NPAS3: variants seen among roughly 807,000 people sequenced by gnomAD.
The protein encoded by NPAS3 is neuronal PAS domain protein 3, also known as neuronal PAS domain-containing protein 3.
Under a neutral mutation model 73.1 loss-of-function variants are expected in NPAS3, and 14 were observed. The observed-to-expected ratio is 0.19, with a 90% CI of 0.13 to 0.30. The LOEUF is 0.30. Ranked by LOEUF, NPAS3 falls within the 10% of genes least tolerant of loss-of-function variation. The pLI, the probability that NPAS3 is intolerant of heterozygous loss-of-function variation, is 1.00. For synonymous variants in NPAS3, 620 were observed against 541.5 expected, an observed-to-expected ratio of 1.14 and a Z score of -2.01; for missense variants, 1,096 against 1,250.0, an observed-to-expected ratio of 0.88 and a Z score of 1.86.
intron 1 of NPAS3, among the ~76,000 whole-genome samples, chr14:33,033,884 G>A (rs1169626062): frequency 1.3e-5 from 2 of 152,206 alleles, no homozygotes; most frequent in African/African-American, 4.8e-5. Flanking sequence ...TTATCCACTG[G>A]CCTTTAGCCT....
chr14:33,425,385 T>G (rs747310054), intron 4 of NPAS3, among the ~76,000 whole-genome samples: 12 of 152,026 alleles, frequency 7.9e-5, no homozygotes, highest in Non-Finnish European at 1.5e-5. Flanking sequence ...GTTACTTTTA[T>G]GTGATTGCAA....
At chr14:33,239,966 A>G (rs2048163700) in intron 3 of NPAS3, among the ~76,000 whole-genome samples, 1 of 151,862 alleles carries the variant, frequency 6.6e-6, no homozygotes, top group African/African-American at 2.4e-5. Flanking sequence ...AAATGTGGCT[A>G]AGGGCCTACT....
At chr14:33,777,852 G>A (rs1289351088) in intron 8 of NPAS3, among the ~76,000 whole-genome samples, 1 of 152,180 alleles carries the variant, frequency 6.6e-6, no homozygotes, top group Non-Finnish European at 1.5e-5. Flanking sequence ...AAGTTTTTGT[G>A]TGGAATCCAC....
At chr14:33,372,111 T>A in intron 4 of NPAS3, among the ~76,000 whole-genome samples, 1 of 152,126 alleles carries the variant, frequency 6.6e-6, no homozygotes, top group East Asian at 1.9e-4. Context: ...ACTAATTGAA[T>A]TTGGAAACTA....
chr14:33,703,584 A>C (rs972347020), intron 6 of NPAS3, among the ~76,000 whole-genome samples: 2 of 141,198 alleles, frequency 1.4e-5, no homozygotes, highest in African/African-American at 5.1e-5. Context: ...TAGGTTAAGA[A>C]AATTCTGGTT....
At chr14:33,125,597 TAAG>T (rs772200430) in intron 2 of NPAS3, among the ~76,000 whole-genome samples, 1 of 152,112 alleles carries the variant, frequency 6.6e-6, no homozygotes, top group Non-Finnish European at 1.5e-5. Context: ...GAAATCCTTT[TAAG>T]AAGTTCCCGA....
intron 5 of NPAS3, among the ~76,000 whole-genome samples, chr14:33,608,005 C>T (rs1206331272): frequency 2.0e-5 from 3 of 152,064 alleles, no homozygotes; most frequent in South Asian, 2.1e-4. Context: ...TCCCACCACA[C>T]GTGAGGATGA....
At chr14:33,473,205 A>G (rs1208158962) in intron 4 of NPAS3, among the ~76,000 whole-genome samples, 2 of 152,188 alleles carry the variant, frequency 1.3e-5, no homozygotes, top group South Asian at 4.1e-4. Context: ...TTCTATCAGT[A>G]TCATGACTGG....
intron 1 of NPAS3, among the ~76,000 whole-genome samples, chr14:33,015,844 A>G (rs2039371799): frequency 1.3e-5 from 2 of 152,210 alleles, no homozygotes; most frequent in Admixed American, 1.3e-4. Context: ...TCAACAGTAA[A>G]CATCTATTAC....
intron 4 of NPAS3, among the ~76,000 whole-genome samples, chr14:33,458,712 A>G (rs2050126143): frequency 6.6e-6 from 1 of 152,212 alleles, no homozygotes; most frequent in Admixed American, 6.5e-5. Context: ...TTATATGAAA[A>G]AGTCTTCTAC....
At chr14:33,312,570 A>G (rs2043046177) in intron 3 of NPAS3, among the ~76,000 whole-genome samples, 2 of 152,118 alleles carry the variant, frequency 1.3e-5, no homozygotes, top group African/African-American at 4.8e-5. Flanking sequence ...GGTCTTAACT[A>G]TAGAGCTATC....
intron 5 of NPAS3, among the ~76,000 whole-genome samples, chr14:33,625,041 GGTCT>G (rs1230915418): frequency 6.6e-6 from 1 of 151,834 alleles, no homozygotes; most frequent in Non-Finnish European, 1.5e-5. Flanking sequence ...GACTGTGTAG[GGTCT>G]GTCTTAGTGT....
intron 4 of NPAS3, among the ~76,000 whole-genome samples, chr14:33,547,909 A>G (rs2054922499): frequency 6.6e-6 from 1 of 152,244 alleles, no homozygotes; most frequent in Non-Finnish European, 1.5e-5. Context: ...ACAAGTTTGT[A>G]TAAGAGTCTG....
chr14:33,626,781 C>A (rs896063481), intron 5 of NPAS3, among the ~76,000 whole-genome samples: 1 of 151,984 alleles, frequency 6.6e-6, no homozygotes, highest in African/African-American at 2.4e-5. Context: ...GAAAAGAAAC[C>A]AAATACATCA....
At chr14:33,268,893 C>G (rs953785777) in intron 3 of NPAS3, among the ~76,000 whole-genome samples, 1 of 152,160 alleles carries the variant, frequency 6.6e-6, no homozygotes, top group Non-Finnish European at 1.5e-5. Context: ...GGAAGGCAGT[C>G]CTGGAAAGGG....
At chr14:33,771,879 A>G (rs1220002351) in intron 7 of NPAS3, among the ~76,000 whole-genome samples, 2 of 152,204 alleles carry the variant, frequency 1.3e-5, no homozygotes, top group African/African-American at 4.8e-5. Context: ...GCACACAGGT[A>G]TAACTAAGTT....
intron 3 of NPAS3, among the ~76,000 whole-genome samples, chr14:33,297,291 TTAATA>T (rs1198040568): frequency 6.6e-6 from 1 of 152,170 alleles, no homozygotes; most frequent in Non-Finnish European, 1.5e-5. Flanking sequence ...ATTGCATAAC[TTAATA>T]TATACAAAAC....
At chr14:32,996,376 A>G (rs1470524476) in intron 1 of NPAS3, among the ~76,000 whole-genome samples, 2 of 152,218 alleles carry the variant, frequency 1.3e-5, no homozygotes, top group African/African-American at 4.8e-5. Context: ...TGGCTGCAGA[A>G]ATTTGCATAA....
intron 7 of NPAS3, among the ~76,000 whole-genome samples, chr14:33,748,610 C>T (rs146984255): frequency 3.9e-5 from 6 of 152,272 alleles, no homozygotes; most frequent in Non-Finnish European, 5.9e-5. Context: ...TGGGGAGAGT[C>T]AAAAAATTTC....
Sources: allele counts gnomAD v4.1 joint callset (sites outside exome capture counted in the v4.1 genomes callset), GRCh38; gene constraint gnomAD v4.1.1; transcripts MANE v1.5; gene names NCBI Gene and HGNC (gene_info 2026-07-23, HGNC 2026-07-21).